KIRREL1: variants seen among roughly 807,000 people sequenced by gnomAD.
KIRREL1 encodes kin of IRRE-like protein 1.
KIRREL1 carries 25 observed loss-of-function variants against 83.3 expected under a neutral mutation model. The observed-to-expected ratio is 0.30, with a 90% CI of 0.22 to 0.42. The LOEUF (loss-of-function observed/expected upper bound fraction) is 0.42. KIRREL1 is among the 10% of genes least tolerant of loss of function. The pLI is 1.00. For synonymous variants in KIRREL1, 388 were observed against 410.4 expected (o/e 0.95, Z 0.66); for missense variants, 812 against 1,032.3 (o/e 0.79, Z 2.92).
At chr1:158,021,447 T>A (rs1318817295) in intron 1 of KIRREL1, among the ~76,000 whole-genome samples, 1 of 152,214 alleles carries the variant, frequency 6.6e-6, no homozygotes, top group Non-Finnish European at 1.5e-5. Flanking sequence ...CATTCCTGAT[T>A]CTGCTACTAA....
chr1:158,029,366 T>TGTGC lies in KIRREL1; in HGVS notation c.52+35639_52+35640insTGCG, dbSNP rs1553238087. Among the ~76,000 whole-genome samples, 164 of 149,028 alleles carry TGTGC rather than the reference T, an allele frequency of 1.1e-3. 1 individual carries two copies. The highest frequency in any genetic ancestry group is 1.6e-3 in the Non-Finnish European group (109 of 67,040). ...GTGTGTGTGTGTGTGTGTGTGTGTG[T>TGTGC]GCACGTGCGCGCGCATGCACACATG... On this transcript the variant is annotated intron_variant, in intron 1 of 14. Transcript: ENST00000359209.
chr1:158,087,826 C>G lies in KIRREL1; in HGVS notation c.733C>G (p.Gln245Glu). ...QEGERVVFTC[Q>E]ATANPEILGY... ...GGGTGAGCGTGTTGTCTTTACCTGC[C>G]AGGCCACAGCCAACCCCGAGATCTT... is the stretch of plus-strand genomic sequence containing the variant. Residue 245 changes from glutamine to glutamate, a missense_variant, in exon 6 of 15, where the codon CAG (glutamine) becomes GAG (glutamate). Gln to Glu is a conservative substitution (Grantham distance 29). This residue lies in a region of KIRREL1 where 472 missense variants were observed against 626.8 expected (regional missense o/e 0.75). Transcript: ENST00000359209. 6.2e-7 allele frequency: 1 copy of G among 1,613,968 alleles called. No homozygotes were observed. The highest frequency in any genetic ancestry group is 8.5e-7 in the Non-Finnish European group (1 of 1,179,948).
intron 8 of KIRREL1, 168 bp from the exon 9 acceptor site, chr1:158,089,334 T>G (rs1249358845): frequency 2.1e-6 from 2 of 961,498 alleles, no homozygotes; most frequent in Non-Finnish European, 3.1e-6. Context: ...TGCCAACCTG[T>G]GTAGAGTCAG....
intron 1 of KIRREL1, among the ~76,000 whole-genome samples, chr1:158,063,794 A>G (rs1661281640): frequency 6.6e-6 from 1 of 152,182 alleles, no homozygotes; most frequent in Non-Finnish European, 1.5e-5. Flanking sequence ...TGTCAAAGAC[A>G]TCACTTCCTA....
At position 158,091,553 on chromosome 1, in the gene KIRREL1, C is replaced by T. The variant is rs1662196624; in HGVS notation, c.1468C>T (p.Arg490Ter). ...PGTAIIQLEE[R>*]EVLPVGIIAG... ...CACAGCCATCATCCAGCTGGAAGAG[C>T]GAGGTGACTGGTAGTGCTGCCTGCC... is the stretch of plus-strand genomic sequence containing the variant. The change falls in exon 11 of 15, where the codon CGA becomes TGA. Residue 490 changes from arginine to a stop codon, truncating the protein, a stop_gained. Coordinates refer to ENST00000359209, the MANE Select transcript of KIRREL1 (RefSeq NM_018240.7). LOFTEE classifies it high-confidence loss of function. The T allele has an allele frequency of 1.2e-6, 2 of 1,613,954 alleles. No homozygotes were observed. The highest frequency in any genetic ancestry group is 1.3e-5 in the African/African-American group (1 of 74,944).
intron 1 of KIRREL1, among the ~76,000 whole-genome samples, chr1:158,011,078 C>T (rs1163688950): frequency 1.3e-5 from 2 of 152,126 alleles, no homozygotes; most frequent in South Asian, 4.2e-4. Flanking sequence ...CTGCAAAGAC[C>T]GACAGCCTTC....
intron 1 of KIRREL1, among the ~76,000 whole-genome samples, chr1:158,069,328 G>A (rs1661443905): frequency 6.6e-6 from 1 of 151,786 alleles, no homozygotes; most frequent in African/African-American, 2.4e-5. Context: ...GTGTGTGTGT[G>A]TGTGTGTGTG....
At chr1:158,067,565 G>A (rs180880012) in intron 1 of KIRREL1, among the ~76,000 whole-genome samples, 12 of 152,354 alleles carry the variant, frequency 7.9e-5, no homozygotes, top group Non-Finnish European at 1.5e-4. Flanking sequence ...GCCCTTGGGG[G>A]CCAAGTGAAT....
chr1:158,052,377 C>G (rs1660930033), intron 1 of KIRREL1, among the ~76,000 whole-genome samples: 1 of 152,204 alleles, frequency 6.6e-6, no homozygotes, highest in African/African-American at 2.4e-5. Context: ...GATATCTCCT[C>G]TATGAAGACT....
chr1:158,100,205 T>TTAA lies in KIRREL1; in HGVS notation c.*5085_*5086insTAA, dbSNP rs1662457818. ...ACTATATTTTTAGTCTCAAACACAC[T>TTAA]ATATATTATATATATTTAATTTTTT... On this transcript the variant is annotated 3_prime_UTR_variant, in exon 15 of 15. Transcript: ENST00000359209. 6.7e-6 allele frequency: 1 copy of TTAA among 148,946 alleles called. No individual in the cohort carries two copies. The highest frequency in any genetic ancestry group is 2.4e-5 in the African/African-American group (1 of 40,990). The allele number at this position is 148,946 out of a possible 1,614,324, so 9.2% of individuals were successfully genotyped here. A position where few individuals can be genotyped will look rare whatever the true frequency, so the allele number is the denominator to read the frequency against.
chr1:158,052,214 C>A (rs1342402727), intron 1 of KIRREL1, among the ~76,000 whole-genome samples: 1 of 152,168 alleles, frequency 6.6e-6, no homozygotes, highest in African/African-American at 2.4e-5. Context: ...GAACCAGTTG[C>A]ATATGCAGCA....
chr1:158,021,668 T>C (rs1027324389), intron 1 of KIRREL1, among the ~76,000 whole-genome samples: 1 of 152,330 alleles, frequency 6.6e-6, no homozygotes. Flanking sequence ...ACAGGATATA[T>C]ATAAAATTAT....
At chr1:158,055,681 G>A (rs1395706642) in intron 1 of KIRREL1, among the ~76,000 whole-genome samples, 3 of 152,324 alleles carry the variant, frequency 2.0e-5, no homozygotes, top group Admixed American at 6.5e-5. Flanking sequence ...CTGCCTAGGC[G>A]CCCTCCCTGC....
At chr1:158,020,602 A>AAAAAG (rs1659979406) in intron 1 of KIRREL1, among the ~76,000 whole-genome samples, 1 of 142,314 alleles carries the variant, frequency 7.0e-6, no homozygotes, top group African/African-American at 2.8e-5. Context: ...CAGTAAATCA[A>AAAAAG]AAAAAAAAAA....
intron 1 of KIRREL1, among the ~76,000 whole-genome samples, chr1:158,013,978 A>T (rs950982365): frequency 1.3e-5 from 2 of 151,950 alleles, no homozygotes; most frequent in African/African-American, 4.8e-5. Flanking sequence ...TTGTTTTTCA[A>T]CCTCTGCCCC....
chr1:158,089,122 C>T (rs892886624), intron 8 of KIRREL1, among the ~76,000 whole-genome samples: 2 of 152,142 alleles, frequency 1.3e-5, no homozygotes, highest in African/African-American at 4.8e-5. Flanking sequence ...TACAGCTCTG[C>T]AGAGACCCCC....
At position 158,096,749 on chromosome 1, in the gene KIRREL1, T is replaced by C. The variant is rs897808388; in HGVS notation, c.*1629T>C. ...GCGCTCCAAGGAGAACCTGTACCCCTGCCCCAGCCTCGCCTTCCTAAAAAG... is the reference window on the plus strand; with the variant it reads ...GCGCTCCAAGGAGAACCTGTACCCCCGCCCCAGCCTCGCCTTCCTAAAAAG... On this transcript the variant is annotated 3_prime_UTR_variant, in exon 15 of 15. Transcript: ENST00000359209. 17 of 456,620 alleles carry C rather than the reference T, an allele frequency of 3.7e-5. No individual in the cohort carries two copies. The highest frequency in any genetic ancestry group is 7.0e-5 in the Non-Finnish European group (16 of 226,972). The allele number at this position is 456,620 out of a possible 1,614,324, so 28.3% of individuals were successfully genotyped here.
chr1:158,050,324 C>T (rs574282028), intron 1 of KIRREL1, among the ~76,000 whole-genome samples: 4 of 152,092 alleles, frequency 2.6e-5, no homozygotes, highest in South Asian at 2.1e-4. Flanking sequence ...ATCCAATCCT[C>T]TTATTTCACA....
At position 158,040,301 on chromosome 1, in the gene KIRREL1, G is replaced by A. The variant is rs148003254; in HGVS notation, c.53-35812G>A. Among the ~76,000 whole-genome samples, 193 of 152,310 alleles carry A rather than the reference G, an allele frequency of 1.3e-3. 1 individual carries two copies. Among genetic ancestry groups the A allele is most frequent in the African/African-American group, 4.5e-3 (186 of 41,578 alleles). On this transcript the variant is annotated intron_variant, in intron 1 of 14. Transcript: ENST00000359209. ...TACATCTAACTGGGGAAAGAGACATGTGGGCTGAGAAATGCCATAAAGCAT... is the reference window on the plus strand; with the variant it reads ...TACATCTAACTGGGGAAAGAGACATATGGGCTGAGAAATGCCATAAAGCAT...
Sources: gnomAD v4.1 joint callset for allele counts (sites outside exome capture counted in the v4.1 genomes callset) on GRCh38, gnomAD v4.1.1 for gene constraint, gnomAD v4.1.1 regional missense constraint, MANE v1.5 for transcripts, NCBI Gene and HGNC (gene_info 2026-07-23, HGNC 2026-07-21) for gene names.